Variants in AP2S1 observed in about 807,000 individuals in gnomAD.
AP2S1 encodes the protein AP-2 complex subunit sigma.
AP2S1 carries 6 observed loss-of-function variants against 21.0 expected under a neutral mutation model. The ratio of observed to expected loss-of-function variants is 0.29; its 90% CI spans 0.16 to 0.56. The LOEUF is 0.56. AP2S1 is among the 20% of genes least tolerant of loss of function. AP2S1 has a pLI of 0.92. For missense variants in AP2S1, 60 were observed against 186.2 expected (o/e 0.32, Z 3.95); for synonymous variants, 63 against 74.6 (o/e 0.84, Z 0.80).
rs544417547 is a variant in AP2S1 at position 46,847,184 on chromosome 19, G to A, written c.4-1042C>T. On this transcript the variant is annotated intron_variant, in intron 1 of 4. Coordinates refer to ENST00000263270, the MANE Select transcript of AP2S1 (RefSeq NM_004069.6). ...CACTTAAAATGTAGACAGTTAAATG[G>A]TTTTTGGTATATTCACTTAGTATAT... Among the ~76,000 whole-genome samples, 10 of 150,864 alleles carry A rather than the reference G, an allele frequency of 6.6e-5. No homozygotes were observed. In the South Asian group the frequency reaches 2.1e-3, roughly 32 times the overall value.
In AP2S1 at chr19:46,838,876, T is replaced by G; in HGVS notation, c.268-77A>C. The G allele has an allele frequency of 7.2e-7, 1 of 1,397,382 alleles. No individual in the cohort carries two copies. Among genetic ancestry groups the G allele is most frequent in the Non-Finnish European group, 1.0e-6 (1 of 992,640 alleles). 86.6% of individuals were successfully genotyped at this position (1,397,382 alleles called of 1,614,324 possible). ...ACGCACAGAGATGGGAACAAGGTCA[T>G]CAGAAAGAGACAGCAAAAAAAGAGA... On this transcript the variant is annotated intron_variant, in intron 3 of 4. Coordinates refer to ENST00000263270, the MANE Select transcript of AP2S1 (RefSeq NM_004069.6). The surrounding 1 kb of genome is among the most constrained non-coding windows in gnomAD (Gnocchi z 4.1).
At chr19:46,846,441 G>GTTTTTTTTTTTT (rs1229404009) in intron 1 of AP2S1, among the ~76,000 whole-genome samples, 1 of 104,658 alleles carries the variant, frequency 9.6e-6, no homozygotes, top group African/African-American at 4.2e-5. Flanking sequence ...ATCTCTCTCT[G>GTTTTTTTTTTTT]TTTTTTTTTT....
intron 1 of AP2S1, among the ~76,000 whole-genome samples, chr19:46,849,044 A>C (rs2055687622): frequency 1.1e-5 from 1 of 94,102 alleles, no homozygotes; most frequent in African/African-American, 4.4e-5. Flanking sequence ...ACAGAGTCTC[A>C]CTCTGTCGCC....
At chr19:46,844,576 T>A (rs2055586393) in intron 2 of AP2S1, among the ~76,000 whole-genome samples, 1 of 151,782 alleles carries the variant, frequency 6.6e-6, no homozygotes, top group Non-Finnish European at 1.5e-5. Flanking sequence ...AGCAGGCAGA[T>A]CACTTGAGCT....
At chr19:46,841,756 A>G (rs1271165794) in intron 2 of AP2S1, among the ~76,000 whole-genome samples, 1 of 152,204 alleles carries the variant, frequency 6.6e-6, no homozygotes, top group Non-Finnish European at 1.5e-5. Context: ...ATATGGCAAA[A>G]AGGGACTCTG....
intron 2 of AP2S1, among the ~76,000 whole-genome samples, chr19:46,843,919 CTT>C (rs567490241): frequency 6.8e-6 from 1 of 147,920 alleles, no homozygotes. Context: ...AACAACCTTT[CTT>C]TTTTTTTTGA....
rs2055450177 is a variant in AP2S1 at position 46,838,424 on chromosome 19, G to A, written c.*23C>T. ...GCAGGCGAGTCCAGGAGGGGCCGGGGCCGGGGTGGGGCTCGCCTGCCCTCA... is the reference window on the plus strand; with the variant it reads ...GCAGGCGAGTCCAGGAGGGGCCGGGACCGGGGTGGGGCTCGCCTGCCCTCA... On this transcript the variant is annotated 3_prime_UTR_variant, in exon 5 of 5. Transcript: ENST00000263270. The surrounding 1 kb of genome is among the most constrained non-coding windows in gnomAD (Gnocchi z 4.1). 6.2e-7 allele frequency: 1 copy of A among 1,611,714 alleles called. No individual in the cohort carries two copies. Among genetic ancestry groups the A allele is most frequent in the Non-Finnish European group, 8.5e-7 (1 of 1,178,186 alleles).
chr19:46,849,938 C>T (rs2055708272), intron 1 of AP2S1, among the ~76,000 whole-genome samples: 2 of 152,144 alleles, frequency 1.3e-5, no homozygotes, highest in Non-Finnish European at 2.9e-5. Flanking sequence ...AACTTCCAGC[C>T]CAAAGAACCC....
rs1300707567 is a variant in AP2S1, at chr19:46,838,632, C to T, written c.328-84G>A. On this transcript the variant is annotated intron_variant, in intron 4 of 4. Coordinates refer to ENST00000263270, the MANE Select transcript of AP2S1 (RefSeq NM_004069.6). The surrounding 1 kb of genome is among the most constrained non-coding windows in gnomAD (Gnocchi z 4.1). ...TGGAAGCTGGGGCTCTGATGCCCCT[C>T]GAGCTGGGACACAGACCTCAGCAGA... The T allele has an allele frequency of 1.9e-6, 3 of 1,566,152 alleles. No homozygotes were observed. The highest frequency in any genetic ancestry group is 2.6e-6 in the Non-Finnish European group (3 of 1,138,136).
Position 46,846,104 on chromosome 19 carries a change from C to T in AP2S1, c.42G>A (p.Thr14=), listed in dbSNP as rs754039002. The T allele has an allele frequency of 1.8e-5, 29 of 1,613,962 alleles. No homozygotes were observed. The South Asian group carries it at 2.7e-4, about 15-fold the overall frequency. ...ACTGCATGTACCACTTGGCCAGGCG[C>T]GTCTTGCCTGCCCGGTTCTGGATGA... is the stretch of plus-strand genomic sequence containing the variant. ...FILIQNRAGK[T]RLAKWYMQFD... is the part of the protein sequence containing the mutation. The change falls in exon 2 of 5, where the codon ACG becomes ACA. Residue 14 remains threonine (T), a synonymous_variant. Coordinates refer to ENST00000263270, the MANE Select transcript of AP2S1 (RefSeq NM_004069.6).
chr19:46,845,892 T>A, intron 2 of AP2S1, 101 bp downstream of exon 2: 2 of 1,489,714 alleles, frequency 1.3e-6, no homozygotes, highest in Middle Eastern at 3.6e-4. Context: ...ATAGGATGGA[T>A]AGAGGGTCCA....
intron 3 of AP2S1, 23 bp downstream of exon 3, chr19:46,839,442 C>T: frequency 6.3e-7 from 1 of 1,594,010 alleles, no homozygotes; most frequent in South Asian, 1.1e-5. Context: ...GCCTCCCCAC[C>T]TTACATCCCT....
intron 2 of AP2S1, among the ~76,000 whole-genome samples, chr19:46,840,701 G>A (rs1030062031): frequency 6.7e-6 from 1 of 149,194 alleles, no homozygotes. Flanking sequence ...AGCTATGAGT[G>A]CCAGCATCAG....
chr19:46,844,347 C>T (rs951266113), intron 2 of AP2S1, among the ~76,000 whole-genome samples: 1 of 152,132 alleles, frequency 6.6e-6, no homozygotes, highest in African/African-American at 2.4e-5. Flanking sequence ...ATCCCTGGAA[C>T]GCCCTAAGTA....
chr19:46,850,057 C>T (rs1599778353), intron 1 of AP2S1: 2 of 1,156,202 alleles, frequency 1.7e-6, no homozygotes, highest in East Asian at 6.4e-5. Context: ...TTCAAGCCTA[C>T]TCCCCACCCC....
At chr19:46,847,462 C>T (rs1186881180) in intron 1 of AP2S1, among the ~76,000 whole-genome samples, 3 of 152,164 alleles carry the variant, frequency 2.0e-5, no homozygotes, top group Admixed American at 2.0e-4. Context: ...AAGCGATCCA[C>T]CCACCTCATC....
chr19:46,840,930 C>T (rs1332292628), intron 2 of AP2S1, among the ~76,000 whole-genome samples: 2 of 151,296 alleles, frequency 1.3e-5, no homozygotes, highest in Non-Finnish European at 2.9e-5. Flanking sequence ...CATTGCTATA[C>T]TCCAAGCATG....
intron 1 of AP2S1, 74 bp downstream of exon 1, chr19:46,850,690 C>A (rs760063862): frequency 9.0e-6 from 12 of 1,329,582 alleles, no homozygotes; most frequent in Admixed American, 1.7e-5. Flanking sequence ...GACTTGTCAG[C>A]GCCCGATCCA....
rs550904485 is a variant in AP2S1, at chr19:46,845,953, A to C, written c.153+40T>G. 6.8e-6 allele frequency: 11 copies of C among 1,612,024 alleles called. No homozygotes were observed. The African/African-American group carries it at 1.5e-4, about 21-fold the overall frequency. On this transcript the variant is annotated intron_variant, in intron 2 of 4. Transcript: ENST00000263270. ...GCAGGGAGTGGCGAAGTAGGGCACG[A>C]GGAAGCAGCGGGGTGCAGGAGGCAT...
Sources: allele counts gnomAD v4.1 joint callset (sites outside exome capture counted in the v4.1 genomes callset), GRCh38; gene constraint gnomAD v4.1.1; non-coding constraint Gnocchi (gnomAD v3.1); transcripts MANE v1.5; gene names NCBI Gene and HGNC (gene_info 2026-07-23, HGNC 2026-07-21).